NECTIN2: variants seen among roughly 807,000 people sequenced by gnomAD.
NECTIN2 encodes the protein nectin cell adhesion molecule 2.
NECTIN2 carries 23 observed loss-of-function variants against 56.9 expected under a neutral mutation model. The ratio of observed to expected loss-of-function variants is 0.40; its 90% CI spans 0.29 to 0.57. The LOEUF is 0.57. Among genes scored for constraint, NECTIN2 ranks in the 20% least tolerant of loss-of-function variants. The pLI, the probability that NECTIN2 is intolerant of heterozygous loss-of-function variation, is 0.38. For synonymous variants in NECTIN2, 302 were observed against 313.8 expected (o/e 0.96, Z 0.40); for missense variants, 587 against 718.3 (o/e 0.82, Z 2.09).
chr19:44,866,275 C>T (rs774145547), intron 2 of NECTIN2, among the ~76,000 whole-genome samples: 8 of 151,694 alleles, frequency 5.3e-5, no homozygotes, highest in South Asian at 2.1e-4. Flanking sequence ...CATGGTGGTG[C>T]GCAGATGTGG....
At chr19:44,887,112 G>A (rs1225379866) in intron 8 of NECTIN2, among the ~76,000 whole-genome samples, 1 of 152,122 alleles carries the variant, frequency 6.6e-6, no homozygotes, top group Admixed American at 6.5e-5. Flanking sequence ...CACTTTGGGA[G>A]GCTGAGACGG....
intron 6 of NECTIN2, among the ~76,000 whole-genome samples, chr19:44,884,604 C>A (rs528005410): frequency 6.6e-6 from 1 of 152,178 alleles, no homozygotes. Flanking sequence ...CCACTGTGTC[C>A]GAGACGGCCT....
At chr19:44,873,674 T>C (rs1166977032) in intron 3 of NECTIN2, among the ~76,000 whole-genome samples, 1 of 151,968 alleles carries the variant, frequency 6.6e-6, no homozygotes, top group Non-Finnish European at 1.5e-5. Flanking sequence ...TTGTAGTGGC[T>C]CCCTTAGGCA....
intron 5 of NECTIN2, among the ~76,000 whole-genome samples, chr19:44,876,124 C>T (rs1228705985): frequency 6.6e-6 from 1 of 152,126 alleles, no homozygotes; most frequent in Non-Finnish European, 1.5e-5. Context: ...CCAGAAAGTC[C>T]GTTAGGGAGA....
At chr19:44,880,680 T>C (rs1969298520) in intron 5 of NECTIN2, among the ~76,000 whole-genome samples, 1 of 150,534 alleles carries the variant, frequency 6.6e-6, no homozygotes, top group South Asian at 2.1e-4. Context: ...CAGATTGGGC[T>C]CAAACTCCTG....
At chr19:44,858,723 A>G (rs1296642229) in intron 1 of NECTIN2, among the ~76,000 whole-genome samples, 1 of 150,082 alleles carries the variant, frequency 6.7e-6, no homozygotes, top group Non-Finnish European at 1.5e-5. Flanking sequence ...GCTTACTGCA[A>G]CCTCCACCTC....
In NECTIN2 at chr19:44,854,062, G is replaced by A. The variant is rs535759971; in HGVS notation, c.88+7449G>A. 4.6e-5 allele frequency among the ~76,000 whole-genome samples: 7 copies of A among 152,094 alleles called. No homozygotes were observed. The South Asian group carries it at 6.2e-4, about 14-fold the overall frequency. On this transcript the variant is annotated intron_variant, in intron 1 of 8. Transcript: ENST00000252483. ...GGTGGCAGCTGAGGTGGAGTATCTCGGGGTAAAAGAACCCCCCGAGGAGTG... is the reference window on the plus strand; with the variant it reads ...GGTGGCAGCTGAGGTGGAGTATCTCAGGGTAAAAGAACCCCCCGAGGAGTG...
chr19:44,869,016 C>A (rs1320546954), intron 2 of NECTIN2, among the ~76,000 whole-genome samples: 1 of 152,122 alleles, frequency 6.6e-6, no homozygotes, highest in African/African-American at 2.4e-5. Flanking sequence ...CCTTCTCAGC[C>A]CAGAGCGTCT....
rs1055109954 is a variant in NECTIN2, at chr19:44,874,933, G to A, written c.1042+455G>A. Among the ~76,000 whole-genome samples the A allele has an allele frequency of 2.0e-5, 3 of 152,240 alleles. No individual in the cohort carries two copies. The South Asian group carries it at 6.2e-4, about 32-fold the overall frequency. On this transcript the variant is annotated intron_variant, in intron 5 of 8. Transcript: ENST00000252483. This position sits in a 1 kb window ranked among gnomAD's most constrained non-coding sequence, Gnocchi z 6.3. The stretch of plus-strand genomic sequence containing the variant: ...CAAAGCCAGACCATCACCCAGTGAT[G>A]GAAACTGGGTCAAACTCACAACTGC...
In NECTIN2 at chr19:44,874,097, G is replaced by A. The variant is rs1273507901; in HGVS notation, c.893+64G>A. On this transcript the variant is annotated intron_variant, in intron 4 of 8. Transcript: ENST00000252483. The surrounding 1 kb of genome is among the most constrained non-coding windows in gnomAD (Gnocchi z 6.3). ...GCGGGGCTGGGGGCCTGGACTCCTG[G>A]ATCTAAGGGAGGAGGGGCTGGGGGC... is the stretch of plus-strand genomic sequence containing the variant. The A allele has an allele frequency of 7.2e-7, 1 of 1,394,986 alleles. No homozygotes were observed. The highest frequency in any genetic ancestry group is 1.0e-6 in the Non-Finnish European group (1 of 1,001,582). 86.4% of individuals were successfully genotyped at this position (1,394,986 alleles called of 1,614,324 possible). A position where few individuals can be genotyped will look rare whatever the true frequency, so the allele number is the denominator to read the frequency against.
chr19:44,888,067 C>T (rs756432358), intron 8 of NECTIN2, 43 bp from the exon 9 acceptor site: 12 of 1,586,430 alleles, frequency 7.6e-6, no homozygotes, highest in African/African-American at 1.3e-5. Flanking sequence ...CTGTGTCGTG[C>T]GTAGGAAGTG....
At chr19:44,878,378 G>C in intron 5 of NECTIN2, 2 of 1,555,056 alleles carry the variant, frequency 1.3e-6, no homozygotes, top group Non-Finnish European at 1.7e-6. Flanking sequence ...AGCAGGAGGA[G>C]GAGCCAGTGG....
chr19:44,854,919 A>C (rs1278934084), intron 1 of NECTIN2, among the ~76,000 whole-genome samples: 1 of 151,212 alleles, frequency 6.6e-6, no homozygotes, highest in Non-Finnish European at 1.5e-5. Context: ...AGGTCAGGAG[A>C]TCGAGACCAT....
chr19:44,861,525 A>G (rs395683), intron 1 of NECTIN2, among the ~76,000 whole-genome samples: 50,729 of 152,134 alleles, frequency 0.33, 9,289 homozygotes, highest in Non-Finnish European at 0.39. Flanking sequence ...TTAAACTAAA[A>G]AGCTTCTGCA....
chr19:44,861,798 C>G (rs1016243606), intron 1 of NECTIN2, among the ~76,000 whole-genome samples: 7 of 152,086 alleles, frequency 4.6e-5, no homozygotes, highest in Non-Finnish European at 1.0e-4. Context: ...CAATGAGATA[C>G]CATCTCACAC....
In NECTIN2 at chr19:44,877,013, G is replaced by A. The variant is rs1428910800; in HGVS notation, c.1042+2535G>A. Among the ~76,000 whole-genome samples, 3 of 152,198 alleles carry A rather than the reference G, an allele frequency of 2.0e-5. No individual in the cohort carries two copies. In the East Asian group the frequency reaches 5.8e-4, roughly 29 times the overall value. On this transcript the variant is annotated intron_variant, in intron 5 of 8. Transcript: ENST00000252483. The stretch of plus-strand genomic sequence containing the variant: ...CTGGTCCAGTTAGTGACCAGCACAG[G>A]AGAAAAATCTGTTTCACTCCTCAAC...
chr19:44,865,110 T>A lies in NECTIN2; in HGVS notation c.89-161T>A, dbSNP rs972038579. ...AGTCATTTTAGTCTTCCCTAAAATG[T>A]CTTTTCCAGGTGGCTTTTTTGGAAT... is the stretch of plus-strand genomic sequence containing the variant. On this transcript the variant is annotated intron_variant, in intron 1 of 8. Transcript: ENST00000252483. The surrounding 1 kb of genome is among the most constrained non-coding windows in gnomAD (Gnocchi z 5.2). 3.3e-5 allele frequency among the ~76,000 whole-genome samples: 5 copies of A among 152,182 alleles called. No individual in the cohort carries two copies. Among genetic ancestry groups the A allele is most frequent in the Admixed American group, 3.3e-4 (5 of 15,270 alleles).
Position 44,865,305 on chromosome 19 carries a change from G to A in NECTIN2, c.123G>A (p.Glu41=). 1 of 1,613,646 alleles carries A rather than the reference G, an allele frequency of 6.2e-7. No individual in the cohort carries two copies. Among genetic ancestry groups the A allele is most frequent in the Non-Finnish European group, 8.5e-7 (1 of 1,179,762 alleles). ...AQDVRVQVLP[E]VRGQLGGTVE... ...ATGTGCGAGTTCAAGTGCTACCCGAGGTGCGAGGCCAGCTCGGGGGCACCG... is the reference window on the plus strand; with the variant it reads ...ATGTGCGAGTTCAAGTGCTACCCGAAGTGCGAGGCCAGCTCGGGGGCACCG... The change falls in exon 2 of 9, where the codon GAG becomes GAA. Residue 41 remains glutamate, a synonymous_variant. Coordinates refer to ENST00000252483, the MANE Select transcript of NECTIN2 (RefSeq NM_001042724.2). This position sits in a 1 kb window ranked among gnomAD's most constrained non-coding sequence, Gnocchi z 5.2.
At chr19:44,885,204 C>T (rs1381503929) in intron 6 of NECTIN2, among the ~76,000 whole-genome samples, 1 of 151,746 alleles carries the variant, frequency 6.6e-6, no homozygotes, top group African/African-American at 2.4e-5. Flanking sequence ...CCATGTTGGT[C>T]AGGCTGGTCT....
Sources: allele counts gnomAD v4.1 joint callset (sites outside exome capture counted in the v4.1 genomes callset), GRCh38; gene constraint gnomAD v4.1.1; non-coding constraint Gnocchi (gnomAD v3.1); transcripts MANE v1.5; gene names NCBI Gene and HGNC (gene_info 2026-07-23, HGNC 2026-07-21).